The following HIPK2 variants were observed in gnomAD, a reference collection of about 807,000 sequenced individuals.
HIPK2 encodes homeodomain interacting protein kinase 2, also known as homeodomain-interacting protein kinase 2.
A neutral mutation model predicts 113.7 loss-of-function variants in HIPK2; 27 were observed. The observed-to-expected ratio is 0.24, with a 90% CI of 0.17 to 0.33. The LOEUF is 0.33. HIPK2 is among the 10% of genes least tolerant of loss of function. HIPK2 has a pLI of 1.00. For synonymous variants in HIPK2, 631 were observed against 642.2 expected, an observed-to-expected ratio of 0.98 and a Z score of 0.26; for missense variants, 1,257 against 1,588.0, an observed-to-expected ratio of 0.79 and a Z score of 3.54.
At chr7:139,620,657 A>C in intron 6 of HIPK2, 94 bp from the exon 7 acceptor site, 1 of 1,480,280 alleles carries the variant, frequency 6.8e-7, no homozygotes, top group Non-Finnish European at 9.2e-7. Flanking sequence ...AAAGGAGAGA[A>C]GGGTTAATTC....
Position 139,768,334 on chromosome 7 carries a change from C to T in HIPK2, c.19+9271G>A, listed in dbSNP as rs570022430. 2.0e-5 allele frequency among the ~76,000 whole-genome samples: 3 copies of T among 152,296 alleles called. No homozygotes were observed. The East Asian group carries it at 5.8e-4, about 29-fold the overall frequency. On this transcript the variant is annotated intron_variant, in intron 1 of 14. Coordinates refer to ENST00000406875, the MANE Select transcript of HIPK2 (RefSeq NM_022740.5). ...GGGGAGTAGCCCCAGACAGAGACTA[C>T]AACAGGACCCTATCTGAGGTCAGAC...
chr7:139,691,053 T>G (rs147334497), intron 2 of HIPK2, among the ~76,000 whole-genome samples: 1 of 152,120 alleles, frequency 6.6e-6, no homozygotes, highest in Non-Finnish European at 1.5e-5. Flanking sequence ...AAAACAGGAA[T>G]CTGTAATGAA....
rs73735018 is a variant in HIPK2, at chr7:139,584,919, G to A, written c.2718-855C>T. Among the ~76,000 whole-genome samples, 214 of 152,308 alleles carry A rather than the reference G, an allele frequency of 1.4e-3. 3 individuals are homozygous for A. Among genetic ancestry groups the A allele is most frequent in the African/African-American group, 4.9e-3 (205 of 41,570 alleles). ...CATACAATAGGGAGGCACTGGCTTTGGATAGCTCTTGGCCGGCATGTTTGT... is the reference window on the plus strand; with the variant it reads ...CATACAATAGGGAGGCACTGGCTTTAGATAGCTCTTGGCCGGCATGTTTGT... On this transcript the variant is annotated intron_variant, in intron 12 of 14. Coordinates refer to ENST00000406875, the MANE Select transcript of HIPK2 (RefSeq NM_022740.5).
intron 2 of HIPK2, among the ~76,000 whole-genome samples, chr7:139,673,659 T>A (rs2116655553): frequency 6.6e-6 from 1 of 152,236 alleles, no homozygotes; most frequent in East Asian, 1.9e-4. Context: ...GTCTTCCCTA[T>A]CCTTCTACCT....
intron 2 of HIPK2, among the ~76,000 whole-genome samples, chr7:139,694,057 T>TGATGA: frequency 6.6e-6 from 1 of 152,206 alleles, no homozygotes; most frequent in East Asian, 1.9e-4. Flanking sequence ...ATATACTTTT[T>TGATGA]TTCCTATTCA....
Position 139,578,409 on chromosome 7 carries a change from G to C in HIPK2, c.2966-3121C>G, listed in dbSNP as rs534450810. On this transcript the variant is annotated intron_variant, in intron 13 of 14. Transcript: ENST00000406875. ...GATTTGCCTGCCTCAGCCTCCCAAAGTGTTGGGATTACAGGCGTGAGCCAC... is the reference window on the plus strand; with the variant it reads ...GATTTGCCTGCCTCAGCCTCCCAAACTGTTGGGATTACAGGCGTGAGCCAC... Among the ~76,000 whole-genome samples, 4 of 152,304 alleles carry C rather than the reference G, an allele frequency of 2.6e-5. No homozygotes were observed. The East Asian group carries it at 7.7e-4, about 29-fold the overall frequency.
intron 1 of HIPK2, among the ~76,000 whole-genome samples, chr7:139,747,584 T>G (rs189485667): frequency 2.8e-4 from 42 of 152,340 alleles, no homozygotes; most frequent in Admixed American, 2.5e-3. Context: ...ATTAAGCATC[T>G]CTTTAGTAAA....
Position 139,597,030 on chromosome 7 carries a change from G to A in HIPK2, c.2436-32C>T, listed in dbSNP as rs764528453. On this transcript the variant is annotated intron_variant, in intron 11 of 14. Coordinates refer to ENST00000406875, the MANE Select transcript of HIPK2 (RefSeq NM_022740.5). ...TGAGAAAACCACACTCTCACACAGA[G>A]GAAGGTCAGGCCCCACAACTCCTTC... is the stretch of plus-strand genomic sequence containing the variant. The A allele has an allele frequency of 4.5e-6, 7 of 1,563,808 alleles. No individual in the cohort carries two copies. The Admixed American group carries it at 1.0e-4, about 23-fold the overall frequency.
intron 2 of HIPK2, among the ~76,000 whole-genome samples, chr7:139,699,649 G>A (rs1282036673): frequency 6.6e-6 from 1 of 152,232 alleles, no homozygotes; most frequent in Non-Finnish European, 1.5e-5. Flanking sequence ...CCAGGCACAA[G>A]GTGGCCTTTC....
chr7:139,705,612 C>T (rs1794868935), intron 2 of HIPK2, among the ~76,000 whole-genome samples: 1 of 151,938 alleles, frequency 6.6e-6, no homozygotes, highest in Non-Finnish European at 1.5e-5. Context: ...CTCCTGACCT[C>T]GTGATCCGCC....
intron 1 of HIPK2, among the ~76,000 whole-genome samples, chr7:139,749,720 G>C (rs1246121770): frequency 6.6e-6 from 1 of 152,102 alleles, no homozygotes; most frequent in Non-Finnish European, 1.5e-5. Context: ...TCCTAATACT[G>C]CCTCTCAAAG....
intron 2 of HIPK2, among the ~76,000 whole-genome samples, chr7:139,704,301 C>T (rs1794823790): frequency 7.3e-6 from 1 of 137,748 alleles, no homozygotes; most frequent in Non-Finnish European, 1.5e-5. Flanking sequence ...ACACCCAACA[C>T]ATACACCCCC....
intron 12 of HIPK2, 88 bp from the exon 13 acceptor site, chr7:139,584,152 G>A (rs762314411): frequency 3.3e-5 from 49 of 1,500,706 alleles, no homozygotes; most frequent in Non-Finnish European, 4.1e-5. Flanking sequence ...GGCAGGGGAG[G>A]GAGGCAGAGG....
intron 9 of HIPK2, among the ~76,000 whole-genome samples, chr7:139,605,849 G>T (rs1214292216): frequency 6.6e-6 from 1 of 152,188 alleles, no homozygotes; most frequent in Non-Finnish European, 1.5e-5. Context: ...TTAACTCACA[G>T]AAAGCGGAAA....
chr7:139,701,691 G>A (rs1794713828), intron 2 of HIPK2, among the ~76,000 whole-genome samples: 1 of 152,160 alleles, frequency 6.6e-6, no homozygotes, highest in South Asian at 2.1e-4. Flanking sequence ...CATTTCTTTG[G>A]GGATCAAATG....
chr7:139,729,818 G>T (rs1021298706), intron 1 of HIPK2, among the ~76,000 whole-genome samples: 1 of 152,182 alleles, frequency 6.6e-6, no homozygotes. Context: ...TTCTAAATAA[G>T]GACGGTTAAA....
intron 2 of HIPK2, among the ~76,000 whole-genome samples, chr7:139,679,170 T>C (rs746730393): frequency 2.0e-4 from 30 of 152,208 alleles, no homozygotes; most frequent in Non-Finnish European, 3.5e-4. Flanking sequence ...TCTTGCCGGA[T>C]TGCCCTGGCC....
At chr7:139,617,481 T>C (rs1800098014) in intron 7 of HIPK2, among the ~76,000 whole-genome samples, 3 of 152,256 alleles carry the variant, frequency 2.0e-5, no homozygotes, top group Non-Finnish European at 4.4e-5. Flanking sequence ...GCTTGGTCTA[T>C]AAACTCAAAT....
intron 12 of HIPK2, among the ~76,000 whole-genome samples, chr7:139,596,349 T>C (rs1367501590): frequency 6.6e-6 from 1 of 152,186 alleles, no homozygotes; most frequent in Non-Finnish European, 1.5e-5. Context: ...AAGGCAATGT[T>C]AGAGAAATAT....
Sources: gnomAD v4.1 joint callset for allele counts (sites outside exome capture counted in the v4.1 genomes callset) on GRCh38, gnomAD v4.1.1 for gene constraint, MANE v1.5 for transcripts, NCBI Gene and HGNC (gene_info 2026-07-23, HGNC 2026-07-21) for gene names.